The following SOX30 variants were observed in gnomAD, a reference collection of about 807,000 sequenced individuals.
SOX30 encodes the protein SRY-box transcription factor 30.
A neutral mutation model predicts 58.6 loss-of-function variants in SOX30; 17 were observed. The observed-to-expected ratio is 0.29, with a 90% CI of 0.20 to 0.44. SOX30 has a LOEUF of 0.44. Among genes scored for constraint, SOX30 ranks in the 20% least tolerant of loss-of-function variants. The pLI, the probability that SOX30 is intolerant of heterozygous loss-of-function variation, is 1.00. For synonymous variants in SOX30, 421 were observed against 400.2 expected, an observed-to-expected ratio of 1.05 and a Z score of -0.62; for missense variants, 951 against 965.8, an observed-to-expected ratio of 0.98 and a Z score of 0.20.
intron 4 of SOX30, among the ~76,000 whole-genome samples, chr5:157,634,156 A>C (rs1299204797): frequency 6.6e-6 from 1 of 152,206 alleles, no homozygotes; most frequent in Non-Finnish European, 1.5e-5. Flanking sequence ...TAAACCACCT[A>C]GCCTACTTGA....
At position 157,626,631 on chromosome 5, in the gene SOX30, T is replaced by C; in HGVS notation, c.1971A>G (p.Pro657=). ...AAGTTGAAAAGATACCCTCATGTTT[T>C]GGGTACCTGTCTTCATAATAACTAA... ...ECLSYYEDRY[P]KHEGIFSTLN... is the part of the protein sequence containing the mutation. The change falls in exon 5 of 5, where the codon CCA becomes CCG. Residue 657 remains proline (P), a synonymous_variant. Transcript: ENST00000265007. 1 of 1,614,156 alleles carries C rather than the reference T, an allele frequency of 6.2e-7. No homozygotes were observed. Among genetic ancestry groups the C allele is most frequent in the Non-Finnish European group, 8.5e-7 (1 of 1,179,988 alleles).
chr5:157,665,053 A>ATT lies in SOX30; in HGVS notation c.52+2744_52+2745insAA, dbSNP rs1759645557. ...AAGACAGTGTGACAATTCCTCAAGGATCTAGAACTAGAAATACCATTTGAC... is the reference window on the plus strand; with the variant it reads ...AAGACAGTGTGACAATTCCTCAAGGATTTCTAGAACTAGAAATACCATTTGAC... On this transcript the variant is annotated intron_variant, in intron 2 of 5. Coordinates refer to the SOX30 transcript ENST00000519442. 2.6e-5 allele frequency among the ~76,000 whole-genome samples: 4 copies of ATT among 152,350 alleles called. No individual in the cohort carries two copies. In the South Asian group the frequency reaches 8.3e-4, roughly 32 times the overall value.
chr5:157,638,588 G>A lies in SOX30; in HGVS notation c.1522C>T (p.Leu508Phe). The change falls in exon 4 of 5, where the codon CTC becomes TTC. Residue 508 changes from leucine (L) to phenylalanine (F), a missense_variant. Transcript: ENST00000265007. ...GGCCCAGTAAAGCGTTGGGGTGGGA[G>A]TGCTGGATAGACAGGTAGACTTGGA... is the stretch of plus-strand genomic sequence containing the variant. ...QDPSLPVYPALPPQRFTGPSQ... is the reference protein window; with the variant it reads ...QDPSLPVYPAFPPQRFTGPSQ... The A allele has an allele frequency of 1.2e-6, 2 of 1,614,168 alleles. No individual in the cohort carries two copies. The highest frequency in any genetic ancestry group is 1.7e-6 in the Non-Finnish European group (2 of 1,180,032).
At chr5:157,632,838 C>T (rs55949200) in intron 4 of SOX30, among the ~76,000 whole-genome samples, 6 of 152,262 alleles carry the variant, frequency 3.9e-5, no homozygotes, top group Non-Finnish European at 5.9e-5. Flanking sequence ...CCTGTAATCC[C>T]AACACTCTGG....
chr5:157,651,805 C>A lies in SOX30; in HGVS notation c.274G>T (p.Ala92Ser), dbSNP rs751506020. Residue 92 changes from alanine to serine, a missense_variant, in exon 1 of 5, where the codon GCT (alanine) becomes TCT (serine). Ala to Ser is a moderately conservative substitution (Grantham distance 99). Transcript: ENST00000265007. ...AGCCGCGCCTGCGCGGACGAGGCAGCGGCTTCCTCGTTCTGGGCCTGAGGC... is the reference window on the plus strand; with the variant it reads ...AGCCGCGCCTGCGCGGACGAGGCAGAGGCTTCCTCGTTCTGGGCCTGAGGC... ...PQPQAQNEEA[A>S]ASSAQARLLQ... is the part of the protein sequence containing the mutation. The A allele has an allele frequency of 3.2e-6, 5 of 1,581,290 alleles. No individual in the cohort carries two copies. Among genetic ancestry groups the A allele is most frequent in the African/African-American group, 2.7e-5 (2 of 74,430 alleles).
At chr5:157,640,558 A>G (rs1759037099) in intron 3 of SOX30, among the ~76,000 whole-genome samples, 1 of 152,008 alleles carries the variant, frequency 6.6e-6, no homozygotes, top group African/African-American at 2.4e-5. Context: ...CATTGACCAG[A>G]CCTTGCAAGC....
chr5:157,629,293 T>C (rs965899135), intron 4 of SOX30, among the ~76,000 whole-genome samples: 4 of 152,162 alleles, frequency 2.6e-5, no homozygotes, highest in Non-Finnish European at 5.9e-5. Flanking sequence ...ATCAATAAAA[T>C]AAAAATCTAT....
intron 4 of SOX30, among the ~76,000 whole-genome samples, chr5:157,628,887 C>T (rs1008009313): frequency 3.9e-5 from 6 of 152,064 alleles, no homozygotes; most frequent in South Asian, 2.1e-4. Flanking sequence ...GTGATCCGCC[C>T]GCCTCAGCCT....
At chr5:157,657,019 T>C (rs1452364899), upstream of SOX30, among the ~76,000 whole-genome samples, 1 of 152,202 alleles carries the variant, frequency 6.6e-6, no homozygotes, top group African/African-American at 2.4e-5. Flanking sequence ...AATCTTACCT[T>C]ATAGTCAAAC....
Position 157,626,412 on chromosome 5 carries a change from A to T in SOX30, c.2190T>A (p.Pro730=). The T allele has an allele frequency of 6.2e-7, 1 of 1,614,132 alleles. No homozygotes were observed. Among genetic ancestry groups the T allele is most frequent in the Non-Finnish European group, 8.5e-7 (1 of 1,180,016 alleles). Reference sequence around the variant, plus strand: ...TGACATTGACTTGCTGGATGCTAGAAGGAGTTGATGTCGGGGCTGTGAAGA... The same window carrying T: ...TGACATTGACTTGCTGGATGCTAGATGGAGTTGATGTCGGGGCTGTGAAGA... ...ENVFTAPTST[P]SSIQQVNVTD... is the part of the protein sequence containing the mutation. The change falls in exon 5 of 5, where the codon CCT becomes CCA. Residue 730 remains proline (P), a synonymous_variant. Transcript: ENST00000265007.
At position 157,652,167 on chromosome 5, in the gene SOX30, G is replaced by A. The variant is rs1759373514; in HGVS notation, c.-89C>T. 2.9e-6 allele frequency: 4 copies of A among 1,373,462 alleles called. No homozygotes were observed. The highest frequency in any genetic ancestry group is 3.7e-6 in the Non-Finnish European group (4 of 1,072,274). The allele number at this position is 1,373,462 out of a possible 1,614,324, so 85.1% of individuals were successfully genotyped here. A position where few individuals can be genotyped will look rare whatever the true frequency, so the allele number is the denominator to read the frequency against. ...CCCCTTTCGGTTAAGAGCCTTGCAA[G>A]GCCTTTGCTACCCAGAACCCTACGC... On this transcript the variant is annotated 5_prime_UTR_variant, in exon 1 of 5. Coordinates refer to ENST00000265007, the MANE Select transcript of SOX30 (RefSeq NM_178424.2).
At chr5:157,655,442 C>T (rs963493063), upstream of SOX30, among the ~76,000 whole-genome samples, 2 of 152,186 alleles carry the variant, frequency 1.3e-5, no homozygotes, top group Admixed American at 1.3e-4. Context: ...GTAAAGTCCC[C>T]TTTGGCTAAG....
At chr5:157,641,615 A>T (rs1759064005) in intron 3 of SOX30, among the ~76,000 whole-genome samples, 1 of 152,186 alleles carries the variant, frequency 6.6e-6, no homozygotes, top group South Asian at 2.1e-4. Flanking sequence ...TCTATCTCAA[A>T]AAATAATAAT....
chr5:157,646,820 T>C lies in SOX30; in HGVS notation c.1208-4A>G, dbSNP rs764782333. 4.3e-6 allele frequency: 7 copies of C among 1,609,540 alleles called. No individual in the cohort carries two copies. In the Admixed American group the frequency reaches 5.0e-5, roughly 12 times the overall value. On this transcript the variant is annotated splice_polypyrimidine_tract_variant and splice_region_variant and intron_variant, in intron 2 of 4. Coordinates refer to ENST00000265007, the MANE Select transcript of SOX30 (RefSeq NM_178424.2). Reference sequence around the variant, plus strand: ...GGACGAGGCTGATAAACCCAACCTATAGAAGACAAAATATGTTTAAATGTG... The same window carrying C: ...GGACGAGGCTGATAAACCCAACCTACAGAAGACAAAATATGTTTAAATGTG...
At chr5:157,652,598 G>A (rs1367200389), upstream of SOX30, among the ~76,000 whole-genome samples, 1 of 152,228 alleles carries the variant, frequency 6.6e-6, no homozygotes, top group Non-Finnish European at 1.5e-5. Context: ...TGCCAAGGGA[G>A]AATGGGGAAG....
chr5:157,648,072 A>G (rs1180006931), intron 2 of SOX30, among the ~76,000 whole-genome samples: 6 of 152,312 alleles, frequency 3.9e-5, no homozygotes, highest in East Asian at 1.9e-4. Context: ...TCAGAAAATA[A>G]TAAGTTTTGT....
At chr5:157,654,155 A>G (rs1759424204), upstream of SOX30, among the ~76,000 whole-genome samples, 1 of 148,588 alleles carries the variant, frequency 6.7e-6, no homozygotes, top group Middle Eastern at 3.6e-3. Flanking sequence ...ACAGAGCAAG[A>G]CCCTGTCTCA....
chr5:157,644,873 C>T (rs935229662), intron 3 of SOX30, among the ~76,000 whole-genome samples: 1 of 151,932 alleles, frequency 6.6e-6, no homozygotes, highest in East Asian at 1.9e-4. Context: ...CTCAGCTACT[C>T]GGGAGGCTGA....
intron 4 of SOX30, among the ~76,000 whole-genome samples, chr5:157,631,650 C>T (rs1289227726): frequency 1.3e-5 from 2 of 151,154 alleles, no homozygotes; most frequent in African/African-American, 2.4e-5. Context: ...GTCCCAGCTA[C>T]TCCAGAGGCT....
Sources: allele counts gnomAD v4.1 joint callset (sites outside exome capture counted in the v4.1 genomes callset), GRCh38; gene constraint gnomAD v4.1.1; transcripts MANE v1.5; gene names NCBI Gene and HGNC (gene_info 2026-07-23, HGNC 2026-07-21).